Variants in SRGAP2B observed in about 807,000 individuals in gnomAD.
The protein encoded by SRGAP2B is SLIT-ROBO Rho GTPase activating protein 2B.
Under a neutral mutation model 22.2 loss-of-function variants are expected in SRGAP2B, and 9 were observed. The ratio of observed to expected loss-of-function variants is 0.41; its 90% CI spans 0.24 to 0.71. The LOEUF (loss-of-function observed/expected upper bound fraction) is 0.71. Among genes scored for constraint, SRGAP2B ranks in the 30% least tolerant of loss-of-function variants. SRGAP2B has a pLI of 0.35. For synonymous variants in SRGAP2B, 36 were observed against 87.4 expected, an observed-to-expected ratio of 0.41 and a Z score of 3.28; for missense variants, 114 against 235.8, an observed-to-expected ratio of 0.48 and a Z score of 3.38.
At chr1:144,972,005 AGAGC>A (rs1373417829) in intron 3 of SRGAP2B, among the ~76,000 whole-genome samples, 9 of 150,472 alleles carry the variant, frequency 6.0e-5, no homozygotes, top group Non-Finnish European at 1.2e-4. Context: ...CCCAGAGCGC[AGAGC>A]TATTCTAAGA....
Position 144,889,198 on chromosome 1 carries a change from A to AC in SRGAP2B, c.*2961dup, listed in dbSNP as rs1431490541. The AC allele has an allele frequency of 4.1e-5, 6 of 145,644 alleles. 1 individual carries two copies. Among genetic ancestry groups the AC allele is most frequent in the African/African-American group, 1.6e-4 (6 of 37,648 alleles). 9.0% of individuals were successfully genotyped at this position (145,644 alleles called of 1,614,324 possible). On this transcript the variant is annotated 3_prime_UTR_variant, in exon 10 of 10. Coordinates refer to ENST00000612199, the Ensembl canonical transcript of SRGAP2B. ...TTGAACTCCTGGCCTCAAGAGACCC[A>AC]CCCGCCTCAGGCTCCCACAGCGCTG...
intron 4 of SRGAP2B, among the ~76,000 whole-genome samples, chr1:144,925,513 G>A (rs1184857411): frequency 4.1e-4 from 58 of 142,844 alleles, no homozygotes; most frequent in Admixed American, 2.4e-3. Context: ...GCATGGTGGC[G>A]CATGCCTGTA....
intron 5 of SRGAP2B, among the ~76,000 whole-genome samples, chr1:144,907,107 A>T (rs1663041315): frequency 6.7e-6 from 1 of 148,308 alleles, no homozygotes; most frequent in Admixed American, 6.7e-5. Context: ...TGAGAGGGAG[A>T]ATTAGAGAGT....
intron 4 of SRGAP2B, among the ~76,000 whole-genome samples, chr1:144,920,094 A>G (rs1553604149): frequency 6.6e-6 from 1 of 150,516 alleles, no homozygotes; most frequent in Non-Finnish European, 1.5e-5. Flanking sequence ...AGCTAGACAC[A>G]GAGCGCTGAT....
rs1299286062 is a variant in SRGAP2B, at chr1:144,973,898, C to T, written c.261-18297G>A. Among the ~76,000 whole-genome samples the T allele has an allele frequency of 2.9e-5, 4 of 138,642 alleles. 1 individual carries two copies. The highest frequency in any genetic ancestry group is 2.4e-4 in the South Asian group (1 of 4,240). 91.0% of individuals were successfully genotyped at this position (138,642 alleles called of 152,430 possible). ...CAATGGCACTGGCACAATTGTGCACCCCCCAGTGATAAAGTCAATAGAAGA... is the reference window on the plus strand; with the variant it reads ...CAATGGCACTGGCACAATTGTGCACTCCCCAGTGATAAAGTCAATAGAAGA... On this transcript the variant is annotated intron_variant, in intron 3 of 9. Transcript: ENST00000612199.
chr1:145,041,484 T>A (rs1553627561), intron 2 of SRGAP2B, among the ~76,000 whole-genome samples: 1 of 109,784 alleles, frequency 9.1e-6, no homozygotes, highest in African/African-American at 3.9e-5. Flanking sequence ...TGAGACCCCA[T>A]CTCAAAAAAA....
At chr1:145,023,731 CA>C (rs1647412871) in intron 2 of SRGAP2B, among the ~76,000 whole-genome samples, 1 of 138,898 alleles carries the variant, frequency 7.2e-6, no homozygotes, top group Non-Finnish European at 1.6e-5. Context: ...CTTTACTGAG[CA>C]CCTACTACTA....
intron 3 of SRGAP2B, among the ~76,000 whole-genome samples, chr1:144,991,198 T>A (rs1310841451): frequency 1.3e-5 from 2 of 150,308 alleles, no homozygotes; most frequent in Non-Finnish European, 1.5e-5. Flanking sequence ...TAGCTCAAGG[T>A]TTGTGAGTGC....
chr1:144,991,649 C>A (rs1553617198), intron 3 of SRGAP2B, among the ~76,000 whole-genome samples: 1 of 150,220 alleles, frequency 6.7e-6, no homozygotes, highest in African/African-American at 2.5e-5. Flanking sequence ...TGTAAACACA[C>A]CAATCAGCAC....
In SRGAP2B at chr1:144,924,890, G is replaced by T. The variant is rs587597555; in HGVS notation, c.424-10136C>A. 5.4e-5 allele frequency among the ~76,000 whole-genome samples: 8 copies of T among 149,412 alleles called. 1 individual carries two copies. The South Asian group carries it at 8.4e-4, about 16-fold the overall frequency. ...CAGGTGTGTTAAATCTCTCATTAGG[G>T]TGATGATTTATCTAGTTCCCATTTT... On this transcript the variant is annotated intron_variant, in intron 4 of 9. Coordinates refer to ENST00000612199, the Ensembl canonical transcript of SRGAP2B.
chr1:144,965,362 A>AC (rs1232853354), intron 3 of SRGAP2B, among the ~76,000 whole-genome samples: 4 of 134,664 alleles, frequency 3.0e-5, no homozygotes, highest in South Asian at 2.4e-4. Context: ...ACTGGGAGGC[A>AC]CCCCCCAGCA....
chr1:144,920,559 C>T (rs1553348118), intron 4 of SRGAP2B, among the ~76,000 whole-genome samples: 6 of 149,578 alleles, frequency 4.0e-5, no homozygotes, highest in Admixed American at 2.7e-4. Flanking sequence ...GCATGCTTGG[C>T]TAATTTTTAA....
intron 2 of SRGAP2B, among the ~76,000 whole-genome samples, chr1:144,996,644 C>CA (rs1241154321): frequency 7.1e-6 from 1 of 140,348 alleles, no homozygotes; most frequent in Admixed American, 7.2e-5. Context: ...TCCCCATCTA[C>CA]ATTTTTGTTT....
At chr1:145,044,649 CTAAAAAAAAAAAAAAAAAAAAAAAAAA>C (rs1649544891) in intron 2 of SRGAP2B, among the ~76,000 whole-genome samples, 1 of 53,664 alleles carries the variant, frequency 1.9e-5, no homozygotes, top group Non-Finnish European at 3.3e-5. Context: ...GAACCCCCTC[CTAAAAAAAAAAAAAAAAAAAAAAAAAA>C]AAAAAAAAAA....
chr1:144,941,153 T>C (rs1666012172), intron 4 of SRGAP2B, among the ~76,000 whole-genome samples: 1 of 144,500 alleles, frequency 6.9e-6, no homozygotes, highest in African/African-American at 2.7e-5. Flanking sequence ...TTCTTTTCTT[T>C]CATAGCCTTA....
chr1:144,966,109 G>A (rs1288210717), intron 3 of SRGAP2B, among the ~76,000 whole-genome samples: 2 of 147,970 alleles, frequency 1.4e-5, no homozygotes, highest in Admixed American at 6.7e-5. Context: ...TAGCAAGGCA[G>A]GCCAACGTTC....
chr1:144,951,360 G>C (rs1448291482), intron 4 of SRGAP2B, among the ~76,000 whole-genome samples: 1 of 135,854 alleles, frequency 7.4e-6, no homozygotes, highest in Non-Finnish European at 1.5e-5. Context: ...TTAAGTGGGG[G>C]AGGGAGGTAG....
intron 4 of SRGAP2B, among the ~76,000 whole-genome samples, chr1:144,928,476 C>T (rs1553345904): frequency 7.5e-6 from 1 of 132,452 alleles, no homozygotes; most frequent in African/African-American, 2.8e-5. Context: ...CTCGCTCTGT[C>T]GCCCAGGCTG....
At chr1:144,992,383 C>T (rs1475187425) in intron 3 of SRGAP2B, among the ~76,000 whole-genome samples, 13 of 151,044 alleles carry the variant, frequency 8.6e-5, no homozygotes, top group Admixed American at 2.6e-4. Flanking sequence ...GTAACAAATA[C>T]GTCCATAAGC....
Sources: gnomAD v4.1 joint callset for allele counts (sites outside exome capture counted in the v4.1 genomes callset) on GRCh38, gnomAD v4.1.1 for gene constraint, MANE v1.5 for transcripts, NCBI Gene and HGNC (gene_info 2026-07-23, HGNC 2026-07-21) for gene names.